Variants in PCDHGB1 observed in about 807,000 individuals in gnomAD.
PCDHGB1 encodes the protein protocadherin gamma-B1.
A neutral mutation model predicts 56.6 loss-of-function variants in PCDHGB1; 34 were observed. The observed-to-expected ratio is 0.60, with a 90% CI of 0.46 to 0.80. The LOEUF is 0.80. Ranked by LOEUF, PCDHGB1 falls within the 30% of genes least tolerant of loss-of-function variation. PCDHGB1 has a pLI of 0.00. For missense variants in PCDHGB1, 1,278 were observed against 1,204.6 expected, an observed-to-expected ratio of 1.06 and a Z score of -0.90; for synonymous variants, 561 against 505.9, an observed-to-expected ratio of 1.11 and a Z score of -1.46.
chr5:141,361,118 C>T, intron 1 of PCDHGB1: 2 of 1,614,006 alleles, frequency 1.2e-6, no homozygotes, highest in Non-Finnish European at 8.5e-7. Flanking sequence ...GGAGATCTAG[C>T]AGCCCACTGC....
chr5:141,478,384 T>G, intron 1 of PCDHGB1: 1 of 1,613,658 alleles, frequency 6.2e-7, no homozygotes, highest in South Asian at 1.1e-5. Context: ...CGCCGCACCT[T>G]TACCATCAGG....
At chr5:141,364,373 CTGCCCT>C in intron 1 of PCDHGB1, 1 of 1,572,690 alleles carries the variant, frequency 6.4e-7, no homozygotes, top group South Asian at 1.2e-5. Flanking sequence ...AGAGCTGCTG[CTGCCCT>C]TCATGCTCCT....
intron 1 of PCDHGB1, among the ~76,000 whole-genome samples, chr5:141,381,074 T>C (rs1776971630): frequency 6.6e-6 from 1 of 152,250 alleles, no homozygotes; most frequent in Non-Finnish European, 1.5e-5. Flanking sequence ...AACTATGGAT[T>C]ATTTTGATAG....
chr5:141,414,434 C>T (rs774467993), intron 1 of PCDHGB1: 5 of 1,613,704 alleles, frequency 3.1e-6, no homozygotes, highest in Non-Finnish European at 3.4e-6. Context: ...GAACAGGTAT[C>T]CTCTTACAAT....
chr5:141,429,751 A>AT (rs2097241304), intron 1 of PCDHGB1, among the ~76,000 whole-genome samples: 1 of 152,110 alleles, frequency 6.6e-6, no homozygotes, highest in African/African-American at 2.4e-5. Flanking sequence ...CTTAGGGAGA[A>AT]TTTTTTCCCT....
At chr5:141,357,525 T>C (rs1015704388) in intron 1 of PCDHGB1, 22 of 1,614,088 alleles carry the variant, frequency 1.4e-5, no homozygotes, top group East Asian at 6.7e-5. Context: ...AACCCAGCTA[T>C]GCAGACACGC....
At position 141,351,049 on chromosome 5, in the gene PCDHGB1, C is replaced by T; in HGVS notation, c.789C>T (p.Ala263=). 6.2e-7 allele frequency: 1 copy of T among 1,614,058 alleles called. No individual in the cohort carries two copies. The highest frequency in any genetic ancestry group is 8.5e-7 in the Non-Finnish European group (1 of 1,179,904). ...PWGTSVLRVM[A]TDQDEGINAE... is the part of the protein sequence containing the mutation. ...GAACCTCCGTGCTGCGGGTGATGGC[C>T]ACAGACCAGGATGAGGGCATTAATG... is the stretch of plus-strand genomic sequence containing the variant. The change falls in exon 1 of 4, where the codon GCC becomes GCT. Residue 263 remains alanine (A), a synonymous_variant. Transcript: ENST00000523390.
At chr5:141,499,399 C>A (rs2099791676) in intron 2 of PCDHGB1, among the ~76,000 whole-genome samples, 1 of 152,072 alleles carries the variant, frequency 6.6e-6, no homozygotes, top group Non-Finnish European at 1.5e-5. Flanking sequence ...ATAGTACATG[C>A]TCATTATAGA....
intron 1 of PCDHGB1, among the ~76,000 whole-genome samples, chr5:141,470,729 G>T (rs1253040487): frequency 6.6e-6 from 1 of 152,102 alleles, no homozygotes; most frequent in Non-Finnish European, 1.5e-5. Context: ...TCAGGGTCTT[G>T]CTCTGTCGCC....
Position 141,489,089 on chromosome 5 carries a change from A to G in PCDHGB1, c.2410-5718A>G. 5.6e-5 allele frequency: 16 copies of G among 284,404 alleles called. No individual in the cohort carries two copies. The highest frequency in any genetic ancestry group is 9.0e-5 in the Non-Finnish European group (14 of 156,416). The allele number at this position is 284,404 out of a possible 1,614,324, so 17.6% of individuals were successfully genotyped here. On this transcript the variant is annotated intron_variant, in intron 1 of 3. Coordinates refer to ENST00000523390, the MANE Select transcript of PCDHGB1 (RefSeq NM_018922.3). The surrounding 1 kb of genome is among the most constrained non-coding windows in gnomAD (Gnocchi z 4.5). ...CCCTGCCCACCCCCGCCACTCGGTG[A>G]CTAAGAACTGCTGCAAGCAGGCAAA...
At chr5:141,420,494 C>T (rs978136090) in intron 1 of PCDHGB1, 6 of 499,392 alleles carry the variant, frequency 1.2e-5, no homozygotes, top group African/African-American at 2.0e-5. Flanking sequence ...GGGTAATCTC[C>T]GGTGACATTT....
intron 1 of PCDHGB1, chr5:141,367,617 A>T: frequency 6.6e-6 from 1 of 152,160 alleles, no homozygotes; most frequent in East Asian, 1.9e-4. Context: ...AACATGTAGC[A>T]TTCTAAAGTC....
intron 1 of PCDHGB1, chr5:141,375,273 C>A (rs770340172): frequency 6.2e-7 from 1 of 1,613,854 alleles, no homozygotes; most frequent in South Asian, 1.1e-5. Flanking sequence ...TTGGAAAAAT[C>A]AGTTGGCAAT....
intron 1 of PCDHGB1, chr5:141,376,527 A>T: frequency 6.2e-7 from 1 of 1,613,816 alleles, no homozygotes; most frequent in South Asian, 1.1e-5. Context: ...TTTCCGCCTA[A>T]GCGGGAAGAG....
chr5:141,433,642 C>A (rs1457700205), intron 1 of PCDHGB1, among the ~76,000 whole-genome samples: 2 of 152,170 alleles, frequency 1.3e-5, no homozygotes, highest in South Asian at 2.1e-4. Context: ...TTGAGACCAG[C>A]CTGACCAACA....
At chr5:141,459,199 A>G (rs930769883) in intron 1 of PCDHGB1, among the ~76,000 whole-genome samples, 6 of 152,200 alleles carry the variant, frequency 3.9e-5, no homozygotes, top group African/African-American at 1.4e-4. Flanking sequence ...TTTGCAATCA[A>G]TTCACTACTT....
chr5:141,433,042 G>T (rs752612411), intron 1 of PCDHGB1: 10 of 1,614,024 alleles, frequency 6.2e-6, no homozygotes, highest in East Asian at 4.5e-5. Flanking sequence ...CCCTCACCAC[G>T]GACTCGCGGA....
intron 1 of PCDHGB1, chr5:141,423,397 C>A: frequency 1.9e-6 from 3 of 1,614,146 alleles, no homozygotes; most frequent in Non-Finnish European, 2.5e-6. Context: ...GCATAAGTCA[C>A]GCCTGCTGCA....
At chr5:141,356,880 T>C in intron 1 of PCDHGB1, 3 of 1,614,204 alleles carry the variant, frequency 1.9e-6, no homozygotes, top group Non-Finnish European at 8.5e-7. Flanking sequence ...ACAATGTCCC[T>C]GAGATCCTGT....
Sources: gnomAD v4.1 joint callset for allele counts (sites outside exome capture counted in the v4.1 genomes callset) on GRCh38, gnomAD v4.1.1 for gene constraint, Gnocchi (gnomAD v3.1) non-coding constraint, MANE v1.5 for transcripts, NCBI Gene and HGNC (gene_info 2026-07-23, HGNC 2026-07-21) for gene names.